Variants in PWWP2A observed in about 807,000 individuals in gnomAD.
PWWP2A encodes the protein PWWP domain containing 2A, also known as PWWP domain-containing protein 2A.
PWWP2A carries 18 observed loss-of-function variants against 48.5 expected under a neutral mutation model. The ratio of observed to expected loss-of-function variants is 0.37; its 90% CI spans 0.26 to 0.55. The LOEUF (loss-of-function observed/expected upper bound fraction) is 0.55, where lower values mean the gene tolerates loss of function less well. Among genes scored for constraint, PWWP2A ranks in the 20% least tolerant of loss-of-function variants. The pLI, the probability that PWWP2A is intolerant of heterozygous loss-of-function variation, is 0.81. For missense variants in PWWP2A, 867 were observed against 976.4 expected (o/e 0.89, Z 1.49); for synonymous variants, 396 against 387.7 (o/e 1.02, Z -0.25).
intron 1 of PWWP2A, 33 bp downstream of exon 1, chr5:160,118,772 C>G (rs559833124): frequency 6.5e-5 from 90 of 1,384,930 alleles, no homozygotes; most frequent in Non-Finnish European, 8.3e-5. Flanking sequence ...GGGGACCCAG[C>G]GGACCGGAGG....
At chr5:160,060,562 C>T (rs1421398877), downstream of PWWP2A, among the ~76,000 whole-genome samples, 1 of 152,192 alleles carries the variant, frequency 6.6e-6, no homozygotes, top group East Asian at 1.9e-4. Context: ...TCATTGATTA[C>T]TGTCCAGATA....
At chr5:160,083,124 T>C (rs1754364294) in intron 2 of PWWP2A, among the ~76,000 whole-genome samples, 1 of 152,192 alleles carries the variant, frequency 6.6e-6, no homozygotes, top group South Asian at 2.1e-4. Flanking sequence ...CAACAGTATC[T>C]CATCTTACAA....
chr5:160,088,319 G>A (rs1754802780), downstream of PWWP2A, among the ~76,000 whole-genome samples: 1 of 152,066 alleles, frequency 6.6e-6, no homozygotes, highest in Non-Finnish European at 1.5e-5. Context: ...TCCTGACTCA[G>A]CCTCTCGAGT....
At chr5:160,045,558 T>TCTCC in the PWWP2A span, among the ~76,000 whole-genome samples, 1 of 63,594 alleles carries the variant, frequency 1.6e-5, no homozygotes, top group African/African-American at 6.3e-5. Context: ...TCTCTCCCCC[T>TCTCC]CCCCTCTCTC....
Position 160,093,092 on chromosome 5 carries a change from G to T in PWWP2A, c.1558C>A (p.Pro520Thr). Residue 520 changes from proline (P) to threonine (T), a missense_variant, in exon 2 of 2, where the codon CCT becomes ACT. By Grantham distance (38) the Pro-to-Thr change is conservative (BLOSUM62 -1). This residue lies in a region of PWWP2A where 382 missense variants were observed against 407.2 expected (regional missense o/e 0.94). Transcript: ENST00000307063. This position sits in a 1 kb window ranked among gnomAD's most constrained non-coding sequence, Gnocchi z 5.8. Reference protein sequence around the residue: ...CTSTRSAGEAPSENQSPSKGP... With the variant: ...CTSTRSAGEATSENQSPSKGP... ...TTTGAGGGACTCTGATTTTCTGAAG[G>T]GGCCTCACCTGCTGAGCGGGTAGAG... 1 of 1,613,798 alleles carries T rather than the reference G, an allele frequency of 6.2e-7. No individual in the cohort carries two copies. Among genetic ancestry groups the T allele is most frequent in the Non-Finnish European group, 8.5e-7 (1 of 1,179,846 alleles).
chr5:160,093,003 C>T lies in PWWP2A; in HGVS notation c.1647G>A (p.Gln549=). Residue 549 remains glutamine, a synonymous_variant, in exon 2 of 2, where the codon CAG becomes CAA. Coordinates refer to ENST00000307063, the MANE Select transcript of PWWP2A (RefSeq NM_001130864.2). The surrounding 1 kb of genome is among the most constrained non-coding windows in gnomAD (Gnocchi z 5.8). ...TTTTGCCCAATGTCTGTGGTTCATC[C>T]TGATCACCAGGCACATGCACTTCAT... is the stretch of plus-strand genomic sequence containing the variant. ...DTNEVHVPGD[Q]DEPQTLGKKG... 2 of 1,580,986 alleles carry T rather than the reference C, an allele frequency of 1.3e-6. No individual in the cohort carries two copies. Among genetic ancestry groups the T allele is most frequent in the Non-Finnish European group, 1.7e-6 (2 of 1,162,708 alleles).
At chr5:160,069,180 G>A (rs1753685584) in intron 2 of PWWP2A, among the ~76,000 whole-genome samples, 1 of 152,024 alleles carries the variant, frequency 6.6e-6, no homozygotes, top group Admixed American at 6.6e-5. Context: ...AGCTACTTGA[G>A]GGGCTGAGGC....
At chr5:160,094,730 A>G (rs1476331619) in intron 1 of PWWP2A, among the ~76,000 whole-genome samples, 1 of 152,230 alleles carries the variant, frequency 6.6e-6, no homozygotes, top group South Asian at 2.1e-4. Context: ...TAAGAAATAT[A>G]TTTGCATTGC....
intron 1 of PWWP2A, among the ~76,000 whole-genome samples, chr5:160,114,361 G>A (rs915178167): frequency 7.9e-5 from 12 of 151,666 alleles, no homozygotes; most frequent in African/African-American, 1.2e-4. Flanking sequence ...GCGAAACTCC[G>A]TCTCTACTAT....
At chr5:160,091,303 AT>A, downstream of PWWP2A, 1 of 977,964 alleles carries the variant, frequency 1.0e-6, no homozygotes, top group Non-Finnish European at 1.2e-6. Flanking sequence ...CCATCTTGAA[AT>A]TTTTCAAAGC....
intron 1 of PWWP2A, among the ~76,000 whole-genome samples, chr5:160,115,670 G>A (rs907389060): frequency 5.3e-5 from 8 of 151,352 alleles, no homozygotes; most frequent in South Asian, 2.1e-4. Context: ...TCCAGCCTGG[G>A]TGACAGAGTG....
At chr5:160,103,264 G>C (rs1213949673) in intron 1 of PWWP2A, among the ~76,000 whole-genome samples, 1 of 152,168 alleles carries the variant, frequency 6.6e-6, no homozygotes, top group Admixed American at 6.5e-5. Context: ...CATGAATTCA[G>C]TTTACTTAGT....
downstream of PWWP2A, chr5:160,089,569 T>C (rs900843263): frequency 7.8e-7 from 1 of 1,288,264 alleles, no homozygotes; most frequent in African/African-American, 1.5e-5. Flanking sequence ...GTTGAATGGA[T>C]GTTCCTTCCA....
At chr5:160,082,456 AAAG>A (rs1754315796) in intron 2 of PWWP2A, among the ~76,000 whole-genome samples, 1 of 150,760 alleles carries the variant, frequency 6.6e-6, no homozygotes, top group Admixed American at 6.6e-5. Flanking sequence ...AAAAAAAAAA[AAAG>A]AAATTATCTT....
the PWWP2A span, among the ~76,000 whole-genome samples, chr5:160,048,005 C>T: frequency 2.7e-4 from 41 of 151,908 alleles, no homozygotes; most frequent in African/African-American, 9.4e-4. Context: ...CCACTATAGC[C>T]CAGAGACATA....
At chr5:160,076,604 A>G (rs534102046) in exon 4 of PWWP2A, 1 of 152,358 alleles carries the variant, frequency 6.6e-6, no homozygotes, top group South Asian at 2.1e-4. Context: ...TATTTGCAGT[A>G]TAATTAGAAT....
intron 5 of PWWP2A, among the ~76,000 whole-genome samples, chr5:160,062,902 T>C (rs1404084827): frequency 1.3e-5 from 2 of 152,180 alleles, no homozygotes; most frequent in African/African-American, 4.8e-5. Flanking sequence ...ACCCTGAGGC[T>C]GCCCTGTCTT....
At chr5:160,073,448 C>G (rs1019567594), downstream of PWWP2A, among the ~76,000 whole-genome samples, 1 of 151,826 alleles carries the variant, frequency 6.6e-6, no homozygotes, top group African/African-American at 2.4e-5. Flanking sequence ...AGGATGGTCT[C>G]GATCTCCTGA....
chr5:160,055,205 C>T, the PWWP2A span, among the ~76,000 whole-genome samples: 2 of 152,054 alleles, frequency 1.3e-5, no homozygotes, highest in African/African-American at 4.8e-5. Flanking sequence ...GTATGCTGGC[C>T]CAGCCAAGAA....
Sources: allele counts gnomAD v4.1 joint callset (sites outside exome capture counted in the v4.1 genomes callset), GRCh38; gene constraint gnomAD v4.1.1; regional missense constraint gnomAD v4.1.1; non-coding constraint Gnocchi (gnomAD v3.1); transcripts MANE v1.5; gene names NCBI Gene and HGNC (gene_info 2026-07-23, HGNC 2026-07-21).